Variants in LYRM4 observed in about 807,000 individuals in gnomAD.
LYRM4 encodes LYR motif containing 4.
Under a neutral mutation model 11.7 loss-of-function variants are expected in LYRM4, and 9 were observed. That is an observed-to-expected ratio of 0.77 (90% CI 0.46 to 1.34). LYRM4 has a LOEUF of 1.34. Ranked by LOEUF, LYRM4 falls within the 40% of genes most tolerant of loss-of-function variation. LYRM4 has a pLI of 0.00. For missense variants in LYRM4, 133 were observed against 112.5 expected (o/e 1.18, Z -0.82); for synonymous variants, 42 against 40.4 (o/e 1.04, Z -0.15).
chr6:5,041,002 A>G, the LYRM4 span, among the ~76,000 whole-genome samples: 1 of 151,910 alleles, frequency 6.6e-6, no homozygotes, highest in Non-Finnish European at 1.5e-5. Context: ...ATAGCTTCTT[A>G]AGAAGTTACA....
rs765741377 is a variant in LYRM4 at position 5,138,487 on chromosome 6, C to CAAAAAAAAAAAAA, written c.208-29009_208-28997dup. On this transcript the variant is annotated intron_variant, in intron 2 of 2. Coordinates refer to ENST00000330636, the MANE Select transcript of LYRM4 (RefSeq NM_020408.6). ...GGCCAACAGAGTGAGACCCTGTCTC[C>CAAAAAAAAAAAAA]AAAAAAAAAAAAAAAAAAAAAAAAA... 4.8e-4 allele frequency among the ~76,000 whole-genome samples: 24 copies of CAAAAAAAAAAAAA among 49,684 alleles called. 2 individuals are homozygous for CAAAAAAAAAAAAA. The highest frequency in any genetic ancestry group is 1.8e-3 in the East Asian group (2 of 1,120). The allele number at this position is 49,684 out of a possible 152,430, so 32.6% of individuals were successfully genotyped here. A position where few individuals can be genotyped will look rare whatever the true frequency, so the allele number is the denominator to read the frequency against.
chr6:5,106,221 G>A (rs1239359120), downstream of LYRM4: 1 of 152,382 alleles, frequency 6.6e-6, no homozygotes, highest in African/African-American at 2.4e-5. Flanking sequence ...AGGTACGTCT[G>A]TCTTGTTCAC....
At chr6:5,202,377 A>G (rs1170889335) in intron 2 of LYRM4, among the ~76,000 whole-genome samples, 1 of 152,188 alleles carries the variant, frequency 6.6e-6, no homozygotes, top group Non-Finnish European at 1.5e-5. Flanking sequence ...ATTGTGCAGT[A>G]TGTGGTTCCT....
At chr6:5,166,987 T>C (rs1266672075) in intron 2 of LYRM4, among the ~76,000 whole-genome samples, 1 of 152,188 alleles carries the variant, frequency 6.6e-6, no homozygotes, top group Non-Finnish European at 1.5e-5. Context: ...CCCAAGATGC[T>C]GGTTTTATAG....
chr6:5,080,852 C>A, the LYRM4 span, among the ~76,000 whole-genome samples: 5 of 152,124 alleles, frequency 3.3e-5, no homozygotes, highest in African/African-American at 4.8e-5. Context: ...TTTCCCAGCC[C>A]AGACTCCAGA....
chr6:5,171,954 G>A (rs113735585), intron 2 of LYRM4, among the ~76,000 whole-genome samples: 1 of 152,310 alleles, frequency 6.6e-6, no homozygotes, highest in African/African-American at 2.4e-5. Flanking sequence ...TCCATTGGAA[G>A]AGAGTCCATA....
chr6:5,043,969 C>G, the LYRM4 span, among the ~76,000 whole-genome samples: 1 of 152,218 alleles, frequency 6.6e-6, no homozygotes, highest in Non-Finnish European at 1.5e-5. Flanking sequence ...CACAGCCCCC[C>G]TCTCGCTCTG....
intron 2 of LYRM4, among the ~76,000 whole-genome samples, chr6:5,141,097 A>C (rs1448500457): frequency 1.3e-5 from 2 of 152,236 alleles, no homozygotes; most frequent in African/African-American, 4.8e-5. Context: ...ATACTTTCAC[A>C]AAAGTTGAGC....
the LYRM4 span, among the ~76,000 whole-genome samples, chr6:5,049,633 A>G: frequency 6.6e-6 from 1 of 152,106 alleles, no homozygotes; most frequent in African/African-American, 2.4e-5. Context: ...GTGAGAAACT[A>G]AATTGAATTC....
chr6:5,118,636 T>A (rs1763256589), intron 2 of LYRM4, among the ~76,000 whole-genome samples: 2 of 152,180 alleles, frequency 1.3e-5, no homozygotes, highest in African/African-American at 4.8e-5. Flanking sequence ...GCCTTGCCAC[T>A]GTCAAGTCAC....
chr6:5,066,847 C>A, the LYRM4 span: 2 of 836,832 alleles, frequency 2.4e-6, no homozygotes, highest in South Asian at 3.1e-5. Flanking sequence ...GGAGAGGAGT[C>A]AGACAGGCCA....
chr6:5,048,754 C>A, the LYRM4 span, among the ~76,000 whole-genome samples: 2 of 152,260 alleles, frequency 1.3e-5, no homozygotes, highest in African/African-American at 4.8e-5. Context: ...TAGCAGCTCA[C>A]AGGAGGGTAG....
chr6:5,103,806 T>C (rs1351317007), downstream of LYRM4: 1 of 152,036 alleles, frequency 6.6e-6, no homozygotes, highest in Non-Finnish European at 1.5e-5. Context: ...GGCTAATTTT[T>C]TTTGTATCTT....
At chr6:5,079,397 G>A in the LYRM4 span, among the ~76,000 whole-genome samples, 1 of 152,202 alleles carries the variant, frequency 6.6e-6, no homozygotes, top group East Asian at 1.9e-4. Context: ...CTTTCTTATA[G>A]AATATTTATG....
intron 2 of LYRM4, among the ~76,000 whole-genome samples, chr6:5,212,608 C>A (rs942444969): frequency 6.6e-6 from 1 of 152,162 alleles, no homozygotes; most frequent in East Asian, 1.9e-4. Context: ...TTGCTTTCTG[C>A]AGAGAGGGAG....
chr6:5,105,643 T>C (rs1370247544), downstream of LYRM4: 1 of 152,258 alleles, frequency 6.6e-6, no homozygotes, highest in Non-Finnish European at 1.5e-5. Context: ...CGAAATCCTG[T>C]GTCTACTAAA....
intron 2 of LYRM4, among the ~76,000 whole-genome samples, chr6:5,147,597 C>T (rs1757796891): frequency 6.6e-6 from 1 of 152,182 alleles, no homozygotes; most frequent in Admixed American, 6.5e-5. Context: ...TTTACATATG[C>T]TCATGTGACT....
intron 1 of LYRM4, among the ~76,000 whole-genome samples, chr6:5,244,464 G>C (rs1764049321): frequency 6.6e-6 from 1 of 152,140 alleles, no homozygotes; most frequent in Non-Finnish European, 1.5e-5. Flanking sequence ...CGTTCCTTAG[G>C]GGATGGACCA....
the LYRM4 span, among the ~76,000 whole-genome samples, chr6:5,046,696 G>A: frequency 5.8e-4 from 89 of 152,328 alleles, no homozygotes; most frequent in African/African-American, 2.1e-3. Context: ...TTCCCTCAGA[G>A]TAAATATGCC....
Sources: allele counts gnomAD v4.1 joint callset (sites outside exome capture counted in the v4.1 genomes callset), GRCh38; gene constraint gnomAD v4.1.1; transcripts MANE v1.5; gene names NCBI Gene and HGNC (gene_info 2026-07-23, HGNC 2026-07-21).